Variants in HMGCLL1 observed in about 807,000 individuals in gnomAD.
HMGCLL1 encodes the protein 3-hydroxymethyl-3-methylglutaryl-CoA lyase, cytoplasmic.
A neutral mutation model predicts 39.1 loss-of-function variants in HMGCLL1; 36 were observed. That is an observed-to-expected ratio of 0.92 (90% CI 0.71 to 1.22). The LOEUF (loss-of-function observed/expected upper bound fraction) is 1.22. Ranked by LOEUF, HMGCLL1 falls within the 50% of genes most tolerant of loss-of-function variation. The pLI is 0.00. For missense variants in HMGCLL1, 451 were observed against 416.5 expected (o/e 1.08, Z -0.72); for synonymous variants, 149 against 144.0 (o/e 1.03, Z -0.25).
the HMGCLL1 span, among the ~76,000 whole-genome samples, chr6:55,659,945 G>T: frequency 6.6e-6 from 1 of 151,824 alleles, no homozygotes; most frequent in South Asian, 2.1e-4. Context: ...ACAGAAGTTT[G>T]GGATTCATTG....
At chr6:55,579,846 T>C (rs1156988631), upstream of HMGCLL1, among the ~76,000 whole-genome samples, 1 of 152,180 alleles carries the variant, frequency 6.6e-6, no homozygotes, top group Non-Finnish European at 1.5e-5. Context: ...GATATTAGAA[T>C]TGGAGACATT....
At chr6:55,613,571 A>G in the HMGCLL1 span, among the ~76,000 whole-genome samples, 5 of 152,102 alleles carry the variant, frequency 3.3e-5, no homozygotes, top group African/African-American at 4.8e-5. Context: ...TAGACTGGAT[A>G]AAGAAAATGG....
intron 3 of HMGCLL1, among the ~76,000 whole-genome samples, chr6:55,524,307 T>G (rs1768195109): frequency 6.6e-6 from 1 of 151,806 alleles, no homozygotes; most frequent in African/African-American, 2.4e-5. Context: ...AGATGCTCAC[T>G]TAAATTTTTA....
intron 6 of HMGCLL1, among the ~76,000 whole-genome samples, chr6:55,496,499 T>C (rs1235657438): frequency 2.0e-5 from 3 of 152,156 alleles, no homozygotes; most frequent in Admixed American, 6.6e-5. Context: ...CCAGTGAGGG[T>C]ATCCACTTAA....
chr6:55,527,493 T>C (rs1006100263), intron 3 of HMGCLL1, among the ~76,000 whole-genome samples: 1 of 152,056 alleles, frequency 6.6e-6, no homozygotes. Context: ...GGAAAGCTAA[T>C]TGTATTTTTA....
At chr6:55,627,910 T>A in the HMGCLL1 span, among the ~76,000 whole-genome samples, 1 of 2,098 alleles carries the variant, frequency 4.8e-4, no homozygotes, top group Admixed American at 0.012. Flanking sequence ...GTATATATAC[T>A]ATATATATAT....
the HMGCLL1 span, among the ~76,000 whole-genome samples, chr6:55,590,697 T>C: frequency 6.6e-6 from 1 of 151,996 alleles, no homozygotes; most frequent in Non-Finnish European, 1.5e-5. Context: ...GTGGATACTA[T>C]ATGTAAAATG....
At chr6:55,641,947 G>A in the HMGCLL1 span, among the ~76,000 whole-genome samples, 1 of 134,662 alleles carries the variant, frequency 7.4e-6, no homozygotes, top group Non-Finnish European at 1.6e-5. Flanking sequence ...TAGGGTACAT[G>A]TGCACATTGT....
At chr6:55,520,304 G>C (rs995337640) in intron 3 of HMGCLL1, among the ~76,000 whole-genome samples, 3 of 149,870 alleles carry the variant, frequency 2.0e-5, no homozygotes, top group African/African-American at 7.3e-5. Flanking sequence ...AAATGAACAG[G>C]GATGATAATG....
chr6:55,656,059 T>G, the HMGCLL1 span, among the ~76,000 whole-genome samples: 1 of 152,038 alleles, frequency 6.6e-6, no homozygotes, highest in African/African-American at 2.4e-5. Context: ...CTATCCAAGA[T>G]TTCTCTACTG....
the HMGCLL1 span, among the ~76,000 whole-genome samples, chr6:55,659,699 T>A: frequency 6.6e-6 from 1 of 151,894 alleles, no homozygotes; most frequent in Admixed American, 6.6e-5. Context: ...TTTATTTCTA[T>A]CTATCCTGAA....
At chr6:55,449,333 G>A (rs1401415080) in intron 7 of HMGCLL1, among the ~76,000 whole-genome samples, 2 of 152,162 alleles carry the variant, frequency 1.3e-5, no homozygotes, top group Non-Finnish European at 2.9e-5. Flanking sequence ...GAGACTACAA[G>A]CATTCTTCTT....
intron 7 of HMGCLL1, among the ~76,000 whole-genome samples, chr6:55,467,112 C>A (rs1581813503): frequency 6.6e-6 from 1 of 152,014 alleles, no homozygotes; most frequent in Non-Finnish European, 1.5e-5. Context: ...TGCCTGGAAT[C>A]CTTGTCTATA....
chr6:55,652,882 A>G, the HMGCLL1 span, among the ~76,000 whole-genome samples: 1 of 152,124 alleles, frequency 6.6e-6, no homozygotes, highest in Admixed American at 6.6e-5. Context: ...ACAAATTTTA[A>G]CACATATGTC....
the HMGCLL1 span, among the ~76,000 whole-genome samples, chr6:55,595,997 G>A: frequency 6.6e-6 from 1 of 152,138 alleles, no homozygotes; most frequent in African/African-American, 2.4e-5. Flanking sequence ...TTTTGTAAAA[G>A]ATGTATCTAC....
chr6:55,655,724 T>C, the HMGCLL1 span, among the ~76,000 whole-genome samples: 1 of 152,050 alleles, frequency 6.6e-6, no homozygotes, highest in African/African-American at 2.4e-5. Flanking sequence ...AACACTTCTT[T>C]ATACTATGGT....
At chr6:55,553,161 A>G (rs544361123) in intron 1 of HMGCLL1, among the ~76,000 whole-genome samples, 1 of 91,822 alleles carries the variant, frequency 1.1e-5, no homozygotes, top group Non-Finnish European at 2.3e-5. Context: ...CTCTCTCTCT[A>G]TATATATATA....
intron 1 of HMGCLL1, 129 bp from the exon 2 acceptor site, chr6:55,542,269 C>A (rs571166348): frequency 3.7e-6 from 2 of 541,230 alleles, no homozygotes; most frequent in East Asian, 3.1e-5. Flanking sequence ...AAAATCAATA[C>A]AATGATATCA....
chr6:55,644,424 T>C, the HMGCLL1 span, among the ~76,000 whole-genome samples: 1 of 152,028 alleles, frequency 6.6e-6, no homozygotes, highest in African/African-American at 2.4e-5. Context: ...TGTCCATGTT[T>C]GCCTTGATTG....
Sources: allele counts gnomAD v4.1 joint callset (sites outside exome capture counted in the v4.1 genomes callset), GRCh38; gene constraint gnomAD v4.1.1; transcripts MANE v1.5; gene names NCBI Gene and HGNC (gene_info 2026-07-23, HGNC 2026-07-21).